Variants in TUBGCP4 observed in about 807,000 individuals in gnomAD.
TUBGCP4 encodes tubulin gamma complex component 4.
A neutral mutation model predicts 91.6 loss-of-function variants in TUBGCP4; 54 were observed. That is an observed-to-expected ratio of 0.59 (90% CI 0.47 to 0.74). The LOEUF is 0.74. Ranked by LOEUF, TUBGCP4 falls within the 30% of genes least tolerant of loss-of-function variation. The pLI, the probability that TUBGCP4 is intolerant of heterozygous loss-of-function variation, is 0.00. For missense variants in TUBGCP4, 593 were observed against 800.9 expected, an observed-to-expected ratio of 0.74 and a Z score of 3.13; for synonymous variants, 297 against 302.8, an observed-to-expected ratio of 0.98 and a Z score of 0.20.
chr15:43,375,060 G>A (rs545416019), intron 1 of TUBGCP4, among the ~76,000 whole-genome samples: 1 of 152,292 alleles, frequency 6.6e-6, no homozygotes, highest in African/African-American at 2.4e-5. Flanking sequence ...CCACCACCAC[G>A]CCTGGCTAAT....
At chr15:43,386,020 C>T in intron 8 of TUBGCP4, 64 bp downstream of exon 8, 2 of 1,584,300 alleles carry the variant, frequency 1.3e-6, no homozygotes, top group Non-Finnish European at 8.6e-7. Context: ...TACTATGTGG[C>T]CCCACAGCAT....
rs569149879 is a variant in TUBGCP4 at position 43,395,302 on chromosome 15, C to G, written c.1065+145C>G. On this transcript the variant is annotated intron_variant, in intron 10 of 17. Transcript: ENST00000564079. ...TCTTATCCAAGTGAGCAAACTATAC[C>G]TAATGCCACAAATCTACGATAATAC... 24 of 854,014 alleles carry G rather than the reference C, an allele frequency of 2.8e-5. No individual in the cohort carries two copies. In the South Asian group the frequency reaches 3.6e-4, roughly 13 times the overall value. 52.9% of individuals were successfully genotyped at this position (854,014 alleles called of 1,614,324 possible). A position where few individuals can be genotyped will look rare whatever the true frequency, so the allele number is the denominator to read the frequency against.
Position 43,397,243 on chromosome 15 carries a change from C to T in TUBGCP4, c.1201C>T (p.His401Tyr). ...GAATGTGGCCTTTCAACAGTCAGCA[C>T]ACAAGGTATTGCTAGATGATGACAA... ...DVNVAFQQSA[H>Y]KVLLDDDNLL... Residue 401 changes from histidine to tyrosine, a missense_variant, in exon 12 of 18, where the codon CAC becomes TAC. Transcript: ENST00000564079. 1 of 1,614,146 alleles carries T rather than the reference C, an allele frequency of 6.2e-7. No homozygotes were observed.
At position 43,408,348 on chromosome 15, in the gene TUBGCP4, G is replaced by A. The variant is rs567523995; in HGVS notation, c.*3134G>A. 5 of 363,776 alleles carry A rather than the reference G, an allele frequency of 1.4e-5. No individual in the cohort carries two copies. The highest frequency in any genetic ancestry group is 2.1e-5 in the African/African-American group (1 of 47,512). The allele number at this position is 363,776 out of a possible 1,614,324, so 22.5% of individuals were successfully genotyped here. A position where few individuals can be genotyped will look rare whatever the true frequency, so the allele number is the denominator to read the frequency against. ...ACAAAAAAATTAGCTGGGTGTGGTGGCGAGTGCCTGTAGTCCCAGCAGCTT... is the reference window on the plus strand; with the variant it reads ...ACAAAAAAATTAGCTGGGTGTGGTGACGAGTGCCTGTAGTCCCAGCAGCTT... On this transcript the variant is annotated 3_prime_UTR_variant, in exon 18 of 18. Transcript: ENST00000564079.
chr15:43,378,727 A>G (rs1395058710), intron 5 of TUBGCP4, among the ~76,000 whole-genome samples: 1 of 152,250 alleles, frequency 6.6e-6, no homozygotes, highest in Non-Finnish European at 1.5e-5. Context: ...GTCCTCATCA[A>G]ATAACAACAT....
At position 43,376,255 on chromosome 15, in the gene TUBGCP4, C is replaced by T. The variant is rs1430068390; in HGVS notation, c.207+29C>T. 3.1e-6 allele frequency: 5 copies of T among 1,611,690 alleles called. No individual in the cohort carries two copies. In the East Asian group the frequency reaches 8.9e-5, roughly 29 times the overall value. Reference sequence around the variant, plus strand: ...GGTCCTGTTCTCTGTGGGTGTACACCTCTAGAGGGCAGGAGCTATGTCAAG... The same window carrying T: ...GGTCCTGTTCTCTGTGGGTGTACACTTCTAGAGGGCAGGAGCTATGTCAAG... On this transcript the variant is annotated intron_variant, in intron 2 of 17. Transcript: ENST00000564079.
intron 6 of TUBGCP4, among the ~76,000 whole-genome samples, chr15:43,382,980 TTTA>T (rs2044306474): frequency 1.3e-5 from 2 of 152,352 alleles, no homozygotes; most frequent in East Asian, 1.9e-4. Context: ...TTTAAAATTT[TTTA>T]TTATTTTTAT....
At position 43,409,207 on chromosome 15, in the gene TUBGCP4, C is replaced by T. The variant is rs1434144631; in HGVS notation, c.*3993C>T. ...GATCTGAAGACTCCCAACTACTACCCAAAATGTGATTTAGTCTATCCTGCC... is the reference window on the plus strand; with the variant it reads ...GATCTGAAGACTCCCAACTACTACCTAAAATGTGATTTAGTCTATCCTGCC... On this transcript the variant is annotated 3_prime_UTR_variant, in exon 18 of 18. Transcript: ENST00000564079. 1.0e-6 allele frequency: 1 copy of T among 959,566 alleles called. No homozygotes were observed. The highest frequency in any genetic ancestry group is 1.5e-5 in the South Asian group (1 of 66,500). 59.4% of individuals were successfully genotyped at this position (959,566 alleles called of 1,614,324 possible).
intron 9 of TUBGCP4, among the ~76,000 whole-genome samples, chr15:43,392,473 G>A (rs564075646): frequency 4.6e-5 from 7 of 152,018 alleles, no homozygotes; most frequent in African/African-American, 1.7e-4. Context: ...GACTAATACA[G>A]GTCTGGTTTT....
In TUBGCP4 at chr15:43,398,161, C is replaced by T. The variant is rs1372810424; in HGVS notation, c.1400C>T (p.Thr467Ile). The stretch of plus-strand genomic sequence containing the variant: ...CAGTGGCCACTACATATTCTCTTCA[C>T]CCCAGCTGTCCTGGAAAAGTGAGTA... ...KVQWPLHILF[T>I]PAVLEKYNVV... The change falls in exon 13 of 18, where the codon ACC becomes ATC. Residue 467 changes from threonine to isoleucine, a missense_variant. Transcript: ENST00000564079. The T allele has an allele frequency of 6.2e-7, 1 of 1,612,464 alleles. No individual in the cohort carries two copies. Among genetic ancestry groups the T allele is most frequent in the South Asian group, 1.1e-5 (1 of 90,894 alleles).
At chr15:43,400,668 C>T (rs1352963218) in intron 14 of TUBGCP4, among the ~76,000 whole-genome samples, 1 of 152,142 alleles carries the variant, frequency 6.6e-6, no homozygotes, top group Non-Finnish European at 1.5e-5. Context: ...GTAATCTCAG[C>T]ACTTTGGGAG....
Position 43,409,588 on chromosome 15 carries a change from C to G in TUBGCP4, c.*4374C>G, listed in dbSNP as rs1271263581. 3.1e-6 allele frequency: 3 copies of G among 976,860 alleles called. No individual in the cohort carries two copies. Among genetic ancestry groups the G allele is most frequent in the Non-Finnish European group, 4.5e-6 (3 of 667,936 alleles). 60.5% of individuals were successfully genotyped at this position (976,860 alleles called of 1,614,324 possible). A position where few individuals can be genotyped will look rare whatever the true frequency, so the allele number is the denominator to read the frequency against. On this transcript the variant is annotated 3_prime_UTR_variant, in exon 18 of 18. Coordinates refer to ENST00000564079, the MANE Select transcript of TUBGCP4 (RefSeq NM_014444.5). ...CAACCCCTCCCAGGCCTCTTCTCAA[C>G]ACAGCAAGTTGGCTCTTATCATTGC...
rs946715777 is a variant in TUBGCP4 at position 43,398,163 on chromosome 15, C to T, written c.1402C>T (p.Pro468Ser). 1.2e-6 allele frequency: 2 copies of T among 1,612,416 alleles called. No homozygotes were observed. Among genetic ancestry groups the T allele is most frequent in the Non-Finnish European group, 1.7e-6 (2 of 1,179,102 alleles). Residue 468 changes from proline (P) to serine (S), a missense_variant, in exon 13 of 18, where the codon CCA (proline) becomes TCA (serine). By Grantham distance (74) the Pro-to-Ser change is moderately conservative (BLOSUM62 -1). Coordinates refer to ENST00000564079, the MANE Select transcript of TUBGCP4 (RefSeq NM_014444.5). ...GTGGCCACTACATATTCTCTTCACC[C>T]CAGCTGTCCTGGAAAAGTGAGTATT... is the stretch of plus-strand genomic sequence containing the variant. ...VQWPLHILFTPAVLEKYNVVF... is the reference protein window; with the variant it reads ...VQWPLHILFTSAVLEKYNVVF...
At chr15:43,373,175 C>G (rs2044150491) in intron 1 of TUBGCP4, among the ~76,000 whole-genome samples, 1 of 152,074 alleles carries the variant, frequency 6.6e-6, no homozygotes, top group Non-Finnish European at 1.5e-5. Flanking sequence ...ACTATAAAAT[C>G]AAATATTTTT....
At chr15:43,386,807 A>C (rs2044383268) in intron 9 of TUBGCP4, among the ~76,000 whole-genome samples, 1 of 151,302 alleles carries the variant, frequency 6.6e-6, no homozygotes, top group Non-Finnish European at 1.5e-5. Context: ...TTAAGAACCG[A>C]GCTTGGAAAG....
intron 1 of TUBGCP4, among the ~76,000 whole-genome samples, chr15:43,371,669 C>T (rs929983352): frequency 6.6e-6 from 1 of 151,926 alleles, no homozygotes; most frequent in Admixed American, 6.6e-5. Context: ...TGTGGCGGGG[C>T]GAGGAAAGGG....
At chr15:43,374,768 G>C (rs1176280232) in intron 1 of TUBGCP4, among the ~76,000 whole-genome samples, 2 of 152,218 alleles carry the variant, frequency 1.3e-5, no homozygotes, top group Non-Finnish European at 2.9e-5. Flanking sequence ...GCAAGTGTCA[G>C]TGCAGGGACG....
chr15:43,408,224 T>G lies in TUBGCP4; in HGVS notation c.*3010T>G. On this transcript the variant is annotated 3_prime_UTR_variant, in exon 18 of 18. Transcript: ENST00000564079. ...CAGACATAGTGTCTCAAGCCTGTAA[T>G]CCCAGCACTTTGGGAGGCTGTCGTG... The G allele has an allele frequency of 1.1e-6, 1 of 920,592 alleles. No homozygotes were observed. The highest frequency in any genetic ancestry group is 1.7e-5 in the South Asian group (1 of 57,250). The allele number at this position is 920,592 out of a possible 1,614,324, so 57.0% of individuals were successfully genotyped here.
chr15:43,387,160 A>G (rs2044388748), intron 9 of TUBGCP4, among the ~76,000 whole-genome samples: 1 of 152,224 alleles, frequency 6.6e-6, no homozygotes, highest in Admixed American at 6.5e-5. Flanking sequence ...AAATGAAGCA[A>G]ACACTCAGCA....
Sources: gnomAD v4.1 joint callset for allele counts (sites outside exome capture counted in the v4.1 genomes callset) on GRCh38, gnomAD v4.1.1 for gene constraint, MANE v1.5 for transcripts, NCBI Gene and HGNC (gene_info 2026-07-23, HGNC 2026-07-21) for gene names.